Variants in HS6ST3 observed in about 807,000 individuals in gnomAD.
HS6ST3 encodes the protein heparan sulfate 6-O-sulfotransferase 3.
HS6ST3 carries 12 observed loss-of-function variants against 36.7 expected under a neutral mutation model. The observed-to-expected ratio is 0.33, with a 90% confidence interval of 0.21 to 0.53. HS6ST3 has a LOEUF of 0.53. HS6ST3 is among the 20% of genes least tolerant of loss of function. HS6ST3 has a pLI of 0.95. For missense variants in HS6ST3, 584 were observed against 640.9 expected (o/e 0.91, Z 0.96); for synonymous variants, 240 against 257.5 (o/e 0.93, Z 0.65).
rs1878002600 is a variant in HS6ST3 at position 96,799,875 on chromosome 13, G to T, written c.708-32615G>T. On this transcript the variant is annotated intron_variant, in intron 1 of 1. Transcript: ENST00000376705. Reference sequence around the variant, plus strand: ...TTTTGGTCTTCATCCCAGTCTCCTAGTATACAATACAACTCCCAAAACCCT... The same window carrying T: ...TTTTGGTCTTCATCCCAGTCTCCTATTATACAATACAACTCCCAAAACCCT... Among the ~76,000 whole-genome samples the T allele has an allele frequency of 4.0e-5, 6 of 148,344 alleles. No individual in the cohort carries two copies. In the South Asian group the frequency reaches 1.3e-3, roughly 32 times the overall value.
chr13:96,454,958 A>G (rs1188065253), intron 1 of HS6ST3, among the ~76,000 whole-genome samples: 1 of 151,652 alleles, frequency 6.6e-6, no homozygotes, highest in Non-Finnish European at 1.5e-5. Flanking sequence ...ATTGAAGTTA[A>G]ATGAATTACT....
At chr13:96,813,557 A>C (rs1025141937) in intron 1 of HS6ST3, among the ~76,000 whole-genome samples, 1 of 152,176 alleles carries the variant, frequency 6.6e-6, no homozygotes, top group Admixed American at 6.5e-5. Flanking sequence ...TTGACTCTCC[A>C]CTGTGGAAAA....
intron 1 of HS6ST3, among the ~76,000 whole-genome samples, chr13:96,615,250 G>C (rs2056470175): frequency 6.6e-6 from 1 of 152,136 alleles, no homozygotes; most frequent in African/African-American, 2.4e-5. Flanking sequence ...TGCTTCAGTT[G>C]ACTGACCCTA....
At chr13:96,620,435 A>G (rs541558429) in intron 1 of HS6ST3, among the ~76,000 whole-genome samples, 23 of 152,186 alleles carry the variant, frequency 1.5e-4, no homozygotes, top group Non-Finnish European at 1.6e-4. Flanking sequence ...ATTTTCCTCA[A>G]TGTGCACTTA....
At chr13:96,420,030 A>C (rs1383539157) in intron 1 of HS6ST3, among the ~76,000 whole-genome samples, 1 of 152,212 alleles carries the variant, frequency 6.6e-6, no homozygotes, top group Non-Finnish European at 1.5e-5. Flanking sequence ...CATTCATAAA[A>C]ATCCTGTATA....
intron 1 of HS6ST3, among the ~76,000 whole-genome samples, chr13:96,213,503 G>A (rs887264464): frequency 6.6e-6 from 1 of 151,472 alleles, no homozygotes; most frequent in African/African-American, 2.4e-5. Flanking sequence ...TTTGGCCTAT[G>A]GCCGACTGCC....
At chr13:96,629,790 A>G (rs2056525567) in intron 1 of HS6ST3, among the ~76,000 whole-genome samples, 1 of 151,858 alleles carries the variant, frequency 6.6e-6, no homozygotes, top group South Asian at 2.1e-4. Flanking sequence ...AATTGTTGAA[A>G]AACATTTTTC....
intron 1 of HS6ST3, among the ~76,000 whole-genome samples, chr13:96,552,511 T>C (rs929018727): frequency 6.6e-5 from 10 of 152,150 alleles, no homozygotes; most frequent in African/African-American, 2.4e-4. Context: ...AGGGTCCTAA[T>C]TGAGAGTTTC....
chr13:96,498,569 G>T (rs1206410596), intron 1 of HS6ST3, among the ~76,000 whole-genome samples: 1 of 151,976 alleles, frequency 6.6e-6, no homozygotes, highest in East Asian at 1.9e-4. Context: ...TCAATTTCCT[G>T]TATAGAATTT....
At chr13:96,118,115 A>G (rs1859680275) in intron 1 of HS6ST3, among the ~76,000 whole-genome samples, 1 of 151,950 alleles carries the variant, frequency 6.6e-6, no homozygotes, top group Admixed American at 6.6e-5. Flanking sequence ...CAAGTGATCC[A>G]CCCACATTGG....
At chr13:96,350,644 T>A (rs764023989) in intron 1 of HS6ST3, among the ~76,000 whole-genome samples, 3 of 152,232 alleles carry the variant, frequency 2.0e-5, no homozygotes, top group Non-Finnish European at 4.4e-5. Context: ...ACTGAACAAC[T>A]GTAGGAAATA....
At chr13:96,569,409 G>A (rs2056293103) in intron 1 of HS6ST3, among the ~76,000 whole-genome samples, 1 of 152,178 alleles carries the variant, frequency 6.6e-6, no homozygotes, top group South Asian at 2.1e-4. Context: ...GCCAAGGATA[G>A]CAGAGCAGAG....
chr13:96,123,295 G>C (rs902358292), intron 1 of HS6ST3, among the ~76,000 whole-genome samples: 19 of 152,038 alleles, frequency 1.2e-4, no homozygotes, highest in Non-Finnish European at 2.2e-4. Context: ...TATTTTTTTA[G>C]AAGAATGGAG....
In HS6ST3 at chr13:96,216,632, G is replaced by A. The variant is rs78417302; in HGVS notation, c.707+125063G>A. ...TCATTCTTTGGCTAAGAATTGTGTC[G>A]TTGTGGGGTGGGCAGGGACGAGTGA... On this transcript the variant is annotated intron_variant, in intron 1 of 1. Coordinates refer to ENST00000376705, the MANE Select transcript of HS6ST3 (RefSeq NM_153456.4). Among the ~76,000 whole-genome samples the A allele has an allele frequency of 9.7e-3, 1,478 of 152,218 alleles. 31 individuals are homozygous for A. Among genetic ancestry groups the A allele is most frequent in the African/African-American group, 0.033 (1,363 of 41,520 alleles).
At chr13:96,492,538 G>C (rs2055951745) in intron 1 of HS6ST3, among the ~76,000 whole-genome samples, 1 of 152,200 alleles carries the variant, frequency 6.6e-6, no homozygotes, top group African/African-American at 2.4e-5. Context: ...CTCCTTCCTT[G>C]CAGAAATGTA....
intron 1 of HS6ST3, among the ~76,000 whole-genome samples, chr13:96,484,565 A>G (rs543931870): frequency 6.6e-6 from 1 of 152,102 alleles, no homozygotes; most frequent in Non-Finnish European, 1.5e-5. Flanking sequence ...AAGTTTGACT[A>G]TTTTAGATTT....
chr13:96,331,464 C>CG (rs1277709746), intron 1 of HS6ST3, among the ~76,000 whole-genome samples: 1 of 152,098 alleles, frequency 6.6e-6, no homozygotes, highest in Non-Finnish European at 1.5e-5. Context: ...GTGCCCCTGC[C>CG]GGGGGGATGC....
intron 1 of HS6ST3, among the ~76,000 whole-genome samples, chr13:96,511,832 A>ATTT (rs1382460064): frequency 6.6e-6 from 1 of 152,020 alleles, no homozygotes; most frequent in Non-Finnish European, 1.5e-5. Context: ...ATCATTTTGC[A>ATTT]TTTAATTTCT....
At chr13:96,178,945 G>A (rs533930393) in intron 1 of HS6ST3, among the ~76,000 whole-genome samples, 1 of 152,278 alleles carries the variant, frequency 6.6e-6, no homozygotes, top group East Asian at 1.9e-4. Context: ...TTGGCATTGG[G>A]CCAAATACTA....
Sources: gnomAD v4.1 joint callset for allele counts (sites outside exome capture counted in the v4.1 genomes callset) on GRCh38, gnomAD v4.1.1 for gene constraint, MANE v1.5 for transcripts, NCBI Gene and HGNC (gene_info 2026-07-23, HGNC 2026-07-21) for gene names.